The following ZC3HC1 variants were observed in gnomAD, a reference collection of about 807,000 sequenced individuals.
ZC3HC1 encodes zinc finger C3HC-type containing 1.
ZC3HC1 carries 38 observed loss-of-function variants against 61.9 expected under a neutral mutation model. The observed-to-expected ratio is 0.61, with a 90% CI of 0.47 to 0.81. ZC3HC1 has a LOEUF of 0.81. Among genes scored for constraint, ZC3HC1 ranks in the 30% least tolerant of loss-of-function variants. The probability of loss-of-function intolerance (pLI) is 0.00; values close to 1 mark genes in which losing one functional copy is unlikely to be tolerated. For missense variants in ZC3HC1, 554 were observed against 622.7 expected (o/e 0.89, Z 1.17); for synonymous variants, 213 against 229.9 (o/e 0.93, Z 0.67).
chr7:130,042,063 G>A (rs376812913), intron 2 of ZC3HC1, among the ~76,000 whole-genome samples: 9 of 152,088 alleles, frequency 5.9e-5, no homozygotes, highest in African/African-American at 2.2e-4. Context: ...AGCACATTGG[G>A]AGGCTGAAGC....
chr7:130,043,822 A>G (rs945250101), intron 2 of ZC3HC1: 11 of 455,234 alleles, frequency 2.4e-5, no homozygotes, highest in African/African-American at 2.2e-4. Flanking sequence ...TCATGCAAGA[A>G]AGGATGGCAG....
intron 3 of ZC3HC1, among the ~76,000 whole-genome samples, chr7:130,040,331 A>G (rs895641615): frequency 6.6e-6 from 1 of 150,708 alleles, no homozygotes; most frequent in Non-Finnish European, 1.5e-5. Context: ...CGTCTCTACT[A>G]AAAATACAAA....
upstream of ZC3HC1, chr7:130,051,400 T>C (rs1445755493): frequency 1.9e-6 from 3 of 1,611,712 alleles, no homozygotes; most frequent in Non-Finnish European, 2.5e-6. Context: ...CCCCGAGAGT[T>C]TGAAGGCTCC....
At chr7:130,026,539 T>C (rs1259017242) in intron 5 of ZC3HC1, 1 of 414,652 alleles carries the variant, frequency 2.4e-6, no homozygotes, top group Non-Finnish European at 4.3e-6. Context: ...GGAGTCTCCC[T>C]GGAACTGCCA....
Position 130,050,606 on chromosome 7 carries a change from A to G in ZC3HC1, c.146+615T>C, listed in dbSNP as rs1189786952. 1.4e-5 allele frequency: 13 copies of G among 949,420 alleles called. No homozygotes were observed. The East Asian group carries it at 2.5e-4, about 19-fold the overall frequency. 58.8% of individuals were successfully genotyped at this position (949,420 alleles called of 1,614,324 possible). On this transcript the variant is annotated intron_variant, in intron 1 of 9. Transcript: ENST00000358303. ...AATTATGAATGAAGGTAAAAACACC[A>G]TAGTAGTATTAGCAGTACCTGCTAA...
At chr7:130,038,606 C>A (rs1794515022) in intron 4 of ZC3HC1, among the ~76,000 whole-genome samples, 2 of 152,122 alleles carry the variant, frequency 1.3e-5, no homozygotes, top group African/African-American at 4.8e-5. Flanking sequence ...TGCCTGTAAT[C>A]CCAGCAGTTT....
rs746788115 is a variant in ZC3HC1, at chr7:130,024,513, A to T, written c.777-7T>A. On this transcript the variant is annotated splice_region_variant and splice_polypyrimidine_tract_variant and intron_variant, in intron 6 of 9. Coordinates refer to ENST00000358303, the MANE Select transcript of ZC3HC1 (RefSeq NM_016478.5). ...CATGGATTCCAAAGAGGAACTAGAT[A>T]GGAATGAAAAAGAGAGTTTTCTCAA... is the stretch of plus-strand genomic sequence containing the variant. 2 of 1,593,856 alleles carry T rather than the reference A, an allele frequency of 1.3e-6. No individual in the cohort carries two copies. Among genetic ancestry groups the T allele is most frequent in the Non-Finnish European group, 1.7e-6 (2 of 1,168,722 alleles).
rs552466177 is a variant in ZC3HC1 at position 130,034,330 on chromosome 7, A to T, written c.493+5134T>A. Among the ~76,000 whole-genome samples, 7 of 151,726 alleles carry T rather than the reference A, an allele frequency of 4.6e-5. No individual in the cohort carries two copies. The East Asian group carries it at 5.8e-4, about 13-fold the overall frequency. On this transcript the variant is annotated intron_variant, in intron 4 of 9. Coordinates refer to ENST00000358303, the MANE Select transcript of ZC3HC1 (RefSeq NM_016478.5). The stretch of plus-strand genomic sequence containing the variant: ...GAAACCCCGTCTCTACTAAAAATAC[A>T]AAAAATTAGCCGGGTGTGGTGGCGG...
chr7:130,035,323 CAG>C (rs1794388582), intron 4 of ZC3HC1, among the ~76,000 whole-genome samples: 2 of 145,804 alleles, frequency 1.4e-5, no homozygotes, highest in South Asian at 2.1e-4. Flanking sequence ...GCCTGGGAAG[CAG>C]AGTTTGTGGT....
At chr7:130,048,704 T>C (rs113723896) in intron 2 of ZC3HC1, among the ~76,000 whole-genome samples, 2,108 of 152,322 alleles carry the variant, frequency 0.014, 24 homozygotes, top group Middle Eastern at 0.037. Context: ...TTTCCTCTTC[T>C]GTAAAACAAG....
chr7:130,030,674 CTT>C (rs1272691508), intron 4 of ZC3HC1, among the ~76,000 whole-genome samples: 12 of 140,924 alleles, frequency 8.5e-5, no homozygotes, highest in Admixed American at 2.1e-4. Flanking sequence ...CACTCATAAT[CTT>C]TTTTTTTTTT....
chr7:130,019,960 G>A (rs541566763), intron 9 of ZC3HC1, among the ~76,000 whole-genome samples: 1 of 151,812 alleles, frequency 6.6e-6, no homozygotes, highest in South Asian at 2.1e-4. Flanking sequence ...GGGATTACAG[G>A]CATATGCCAC....
intron 6 of ZC3HC1, among the ~76,000 whole-genome samples, chr7:130,025,396 A>G (rs1271051243): frequency 6.6e-6 from 1 of 151,622 alleles, no homozygotes; most frequent in African/African-American, 2.4e-5. Flanking sequence ...TGGAATGGAA[A>G]TAGCAACATG....
In ZC3HC1 at chr7:130,040,967, A is replaced by T. The variant is rs781249459; in HGVS notation, c.393T>A (p.Ala131=). ...TATACTTACATCTGTCAAAGTCAAA[A>T]GCTGGTTGTAAACTGGCACAGAGAA... ...QAFLCASLQP[A]FDFDRYKQRC... Residue 131 remains alanine (A), a synonymous_variant, in exon 3 of 10, where the codon GCT becomes GCA. Coordinates refer to ENST00000358303, the MANE Select transcript of ZC3HC1 (RefSeq NM_016478.5). The T allele has an allele frequency of 6.2e-7, 1 of 1,612,892 alleles. No individual in the cohort carries two copies. Among genetic ancestry groups the T allele is most frequent in the Admixed American group, 1.7e-5 (1 of 59,564 alleles).
chr7:130,046,966 T>C (rs1794891795), intron 2 of ZC3HC1, among the ~76,000 whole-genome samples: 1 of 150,686 alleles, frequency 6.6e-6, no homozygotes, highest in African/African-American at 2.4e-5. Context: ...CTGTGCATTC[T>C]TTTTTTTCTT....
chr7:130,049,338 A>C (rs6958171), intron 1 of ZC3HC1, among the ~76,000 whole-genome samples, 194 bp from the exon 2 acceptor site: 107,956 of 151,942 alleles, frequency 0.71, 38,761 homozygotes, highest in East Asian at 0.99. Flanking sequence ...ATAAAATCCA[A>C]ATTTTTCAGT....
chr7:130,050,522 T>C, intron 1 of ZC3HC1: 2 of 1,456,990 alleles, frequency 1.4e-6, no homozygotes, highest in Non-Finnish European at 1.8e-6. Flanking sequence ...ATCCATAAAC[T>C]TGGATGGGTA....
At chr7:130,022,130 C>T (rs895919154) in intron 9 of ZC3HC1, among the ~76,000 whole-genome samples, 189 bp downstream of exon 9, 3 of 152,112 alleles carry the variant, frequency 2.0e-5, no homozygotes, top group Admixed American at 6.6e-5. Context: ...GAGATCGTGC[C>T]ATTGGACTCC....
chr7:130,024,987 C>T (rs958837138), intron 6 of ZC3HC1, among the ~76,000 whole-genome samples: 4 of 143,638 alleles, frequency 2.8e-5, no homozygotes, highest in Admixed American at 1.5e-4. Flanking sequence ...CTCACTGCAA[C>T]CTCCGCCTCC....
Sources: gnomAD v4.1 joint callset for allele counts (sites outside exome capture counted in the v4.1 genomes callset) on GRCh38, gnomAD v4.1.1 for gene constraint, MANE v1.5 for transcripts, NCBI Gene and HGNC (gene_info 2026-07-23, HGNC 2026-07-21) for gene names.